Variants in PAPPA2 observed in about 807,000 individuals in gnomAD.
The protein encoded by PAPPA2 is pappalysin-2.
A neutral mutation model predicts 176.4 loss-of-function variants in PAPPA2; 86 were observed. The observed-to-expected ratio is 0.49, with a 90% CI of 0.41 to 0.58. PAPPA2 has a LOEUF of 0.58. Among genes scored for constraint, PAPPA2 ranks in the 20% least tolerant of loss-of-function variants. The probability of loss-of-function intolerance (pLI) is 0.00; values close to 1 mark genes in which losing one functional copy is unlikely to be tolerated. For synonymous variants in PAPPA2, 809 were observed against 852.2 expected, an observed-to-expected ratio of 0.95 and a Z score of 0.88; for missense variants, 2,073 against 2,256.9, an observed-to-expected ratio of 0.92 and a Z score of 1.65.
At chr1:176,750,102 T>C (rs1257776869) in intron 14 of PAPPA2, among the ~76,000 whole-genome samples, 4 of 152,344 alleles carry the variant, frequency 2.6e-5, no homozygotes, top group African/African-American at 7.2e-5. Context: ...AATGGCATCC[T>C]CAGATCTTTT....
At chr1:176,724,610 C>T (rs1397301972) in intron 12 of PAPPA2, among the ~76,000 whole-genome samples, 6 of 152,098 alleles carry the variant, frequency 3.9e-5, no homozygotes, top group Non-Finnish European at 8.8e-5. Flanking sequence ...AATTACAGAC[C>T]ACTGCCTGGA....
At chr1:176,526,390 G>A (rs571112486) in intron 1 of PAPPA2, among the ~76,000 whole-genome samples, 1 of 152,338 alleles carries the variant, frequency 6.6e-6, no homozygotes, top group South Asian at 2.1e-4. Context: ...AAACTGGTAT[G>A]TTCCACTTCC....
chr1:176,499,597 C>T (rs185712102), intron 1 of PAPPA2, among the ~76,000 whole-genome samples: 5 of 152,236 alleles, frequency 3.3e-5, no homozygotes, highest in East Asian at 1.9e-4. Context: ...TGACTTCTAG[C>T]CCAGATCTGG....
chr1:176,668,172 C>G (rs187421290), intron 3 of PAPPA2, among the ~76,000 whole-genome samples: 36 of 152,258 alleles, frequency 2.4e-4, no homozygotes, highest in African/African-American at 8.7e-4. Flanking sequence ...TATGTCAGCT[C>G]CAAGGACAGC....
intron 3 of PAPPA2, among the ~76,000 whole-genome samples, chr1:176,659,662 T>C (rs1658246967): frequency 6.6e-6 from 1 of 152,096 alleles, no homozygotes; most frequent in Non-Finnish European, 1.5e-5. Context: ...ACATAAATCA[T>C]TTGTATTAAG....
intron 1 of PAPPA2, among the ~76,000 whole-genome samples, chr1:176,512,457 TGCCAAGTAAAAGAAGCTA>T (rs960346465): frequency 3.9e-5 from 6 of 152,168 alleles, no homozygotes; most frequent in African/African-American, 1.4e-4. Flanking sequence ...AAAAGCATTA[TGCCAAGTAAAAGAAGCTA>T]GCCAAGTAAA....
chr1:176,703,120 G>A (rs1253868982), intron 9 of PAPPA2, among the ~76,000 whole-genome samples: 1 of 152,160 alleles, frequency 6.6e-6, no homozygotes, highest in Non-Finnish European at 1.5e-5. Context: ...ATCAAATGAT[G>A]CTGAAAGAGG....
At chr1:176,627,152 A>C (rs923809171) in intron 3 of PAPPA2, among the ~76,000 whole-genome samples, 1 of 152,170 alleles carries the variant, frequency 6.6e-6, no homozygotes, top group Non-Finnish European at 1.5e-5. Flanking sequence ...GCATCTAGCT[A>C]CCAAGAAGGT....
intron 1 of PAPPA2, among the ~76,000 whole-genome samples, chr1:176,522,052 C>T (rs1649242023): frequency 6.6e-6 from 1 of 152,110 alleles, no homozygotes; most frequent in African/African-American, 2.4e-5. Flanking sequence ...TCTTGTTAGA[C>T]CTAGATCCAA....
intron 12 of PAPPA2, among the ~76,000 whole-genome samples, chr1:176,730,196 T>C (rs1316692808): frequency 6.6e-6 from 1 of 151,992 alleles, no homozygotes; most frequent in Non-Finnish European, 1.5e-5. Context: ...AAAATAAGGA[T>C]GATCTGTTTC....
At chr1:176,800,446 G>T (rs1313245450) in intron 21 of PAPPA2, among the ~76,000 whole-genome samples, 1 of 152,136 alleles carries the variant, frequency 6.6e-6, no homozygotes, top group Non-Finnish European at 1.5e-5. Flanking sequence ...TTCACTCAGG[G>T]TTTTGGAGAC....
At chr1:176,754,131 G>A (rs1471259458) in intron 14 of PAPPA2, among the ~76,000 whole-genome samples, 1 of 151,666 alleles carries the variant, frequency 6.6e-6, no homozygotes, top group East Asian at 1.9e-4. Context: ...TTCCAGAATA[G>A]CCTTTATTGA....
chr1:176,801,592 G>T (rs997091661), intron 21 of PAPPA2, among the ~76,000 whole-genome samples: 15 of 152,112 alleles, frequency 9.9e-5, no homozygotes, highest in Non-Finnish European at 1.9e-4. Context: ...ATGGCAGTGG[G>T]GTGGGGACGC....
intron 3 of PAPPA2, among the ~76,000 whole-genome samples, chr1:176,655,096 C>T (rs1039969946): frequency 2.0e-5 from 3 of 151,786 alleles, no homozygotes; most frequent in Admixed American, 6.6e-5. Flanking sequence ...GTTAGGTCTT[C>T]CAGTACTATG....
At chr1:176,830,583 C>A (rs755637985) in intron 21 of PAPPA2, among the ~76,000 whole-genome samples, 8 of 152,138 alleles carry the variant, frequency 5.3e-5, no homozygotes, top group Non-Finnish European at 1.0e-4. Flanking sequence ...GCAGGATATT[C>A]CCTAAACAAA....
At chr1:176,763,108 A>G (rs1663772474) in intron 14 of PAPPA2, among the ~76,000 whole-genome samples, 1 of 152,222 alleles carries the variant, frequency 6.6e-6, no homozygotes, top group African/African-American at 2.4e-5. Context: ...TAGTATGTGC[A>G]TATTCAATGA....
intron 4 of PAPPA2, among the ~76,000 whole-genome samples, chr1:176,689,465 T>C (rs1254688217): frequency 6.6e-6 from 1 of 152,354 alleles, no homozygotes; most frequent in East Asian, 1.9e-4. Flanking sequence ...GTTGAACCTA[T>C]CTTTTGTCTG....
chr1:176,583,758 T>A (rs1369725873), intron 2 of PAPPA2, among the ~76,000 whole-genome samples: 1 of 152,176 alleles, frequency 6.6e-6, no homozygotes, highest in Admixed American at 6.5e-5. Flanking sequence ...ATGCTGATTT[T>A]TAAAATTATT....
chr1:176,573,473 A>C (rs1652469927), intron 2 of PAPPA2, among the ~76,000 whole-genome samples: 1 of 152,156 alleles, frequency 6.6e-6, no homozygotes, highest in Non-Finnish European at 1.5e-5. Context: ...CAGAGAATAT[A>C]GAATGCTCAG....
Sources: allele counts gnomAD v4.1 joint callset (sites outside exome capture counted in the v4.1 genomes callset), GRCh38; gene constraint gnomAD v4.1.1; transcripts MANE v1.5; gene names NCBI Gene and HGNC (gene_info 2026-07-23, HGNC 2026-07-21).